Variants in ZFPM2 observed in about 807,000 individuals in gnomAD.
ZFPM2 encodes zinc finger protein ZFPM2.
Under a neutral mutation model 98.6 loss-of-function variants are expected in ZFPM2, and 20 were observed. The ratio of observed to expected loss-of-function variants is 0.20; its 90% CI spans 0.14 to 0.29. The LOEUF is 0.29. Among genes scored for constraint, ZFPM2 ranks in the 10% least tolerant of loss-of-function variants. The pLI is 1.00. For missense variants in ZFPM2, 1,310 were observed against 1,388.6 expected (o/e 0.94, Z 0.90); for synonymous variants, 518 against 502.7 (o/e 1.03, Z -0.41).
At chr8:105,355,520 A>G (rs1453955765) in intron 1 of ZFPM2, among the ~76,000 whole-genome samples, 1 of 152,206 alleles carries the variant, frequency 6.6e-6, no homozygotes, top group East Asian at 1.9e-4. Context: ...TACAGTAATA[A>G]TTCCATTTAC....
intron 1 of ZFPM2, among the ~76,000 whole-genome samples, chr8:105,324,529 G>A (rs1248062673): frequency 6.6e-6 from 1 of 151,706 alleles, no homozygotes. Context: ...GTTACCACTG[G>A]AAAAAGTTTT....
intron 1 of ZFPM2, among the ~76,000 whole-genome samples, chr8:105,330,549 T>TGTAC (rs1554594951): frequency 5.8e-5 from 4 of 69,052 alleles, no homozygotes; most frequent in Non-Finnish European, 1.1e-4. Context: ...TATATATATA[T>TGTAC]ATACATATAT....
chr8:105,688,219 T>C (rs1020120765), intron 5 of ZFPM2, among the ~76,000 whole-genome samples: 4 of 152,080 alleles, frequency 2.6e-5, no homozygotes, highest in Non-Finnish European at 5.9e-5. Context: ...ACTGGGCCAA[T>C]TAAGTATAAG....
At chr8:105,500,561 A>G (rs1050572982) in intron 3 of ZFPM2, among the ~76,000 whole-genome samples, 7 of 152,120 alleles carry the variant, frequency 4.6e-5, no homozygotes, top group Admixed American at 4.6e-4. Context: ...TGAGATTTTT[A>G]TTCCTGAAAA....
At chr8:105,763,752 C>A (rs1357807535) in intron 5 of ZFPM2, among the ~76,000 whole-genome samples, 2 of 151,736 alleles carry the variant, frequency 1.3e-5, no homozygotes, top group Non-Finnish European at 2.9e-5. Context: ...TTTAAAAGGC[C>A]ACTTCTTTGC....
At chr8:105,371,773 TA>T (rs369858956) in intron 1 of ZFPM2, among the ~76,000 whole-genome samples, 6 of 152,114 alleles carry the variant, frequency 3.9e-5, no homozygotes, top group Non-Finnish European at 7.4e-5. Context: ...GTTAATTGCA[TA>T]AAAAATGTTA....
At chr8:105,752,665 A>G (rs930323746) in intron 5 of ZFPM2, among the ~76,000 whole-genome samples, 3 of 152,058 alleles carry the variant, frequency 2.0e-5, no homozygotes, top group Non-Finnish European at 2.9e-5. Context: ...CTTATTTGAA[A>G]TGAACTTAAG....
At position 105,800,409 on chromosome 8, in the gene ZFPM2, T is replaced by TTAGCG. The variant is rs1554582896; in HGVS notation, c.965-635_965-634insCGTAG. The stretch of plus-strand genomic sequence containing the variant: ...TGGATGCCAATGCAAAATGACTATA[T>TTAGCG]TAGTGTACTGGTAGACTATATTAGT... On this transcript the variant is annotated intron_variant, in intron 7 of 7. Transcript: ENST00000407775. Among the ~76,000 whole-genome samples the TTAGCG allele has an allele frequency of 9.9e-5, 15 of 151,936 alleles. 1 individual carries two copies. The highest frequency in any genetic ancestry group is 6.6e-4 in the Admixed American group (10 of 15,258).
chr8:105,674,136 G>A (rs922848500), intron 5 of ZFPM2, among the ~76,000 whole-genome samples: 18 of 152,216 alleles, frequency 1.2e-4, no homozygotes, highest in East Asian at 1.9e-4. Context: ...AGCTCTAATC[G>A]TAAATAATAC....
At chr8:105,686,664 G>A (rs538626743) in intron 5 of ZFPM2, among the ~76,000 whole-genome samples, 1 of 152,064 alleles carries the variant, frequency 6.6e-6, no homozygotes, top group East Asian at 1.9e-4. Context: ...TAGCACAACT[G>A]CTTTTTAGAC....
intron 1 of ZFPM2, among the ~76,000 whole-genome samples, chr8:105,392,049 C>T (rs754725547): frequency 1.9e-4 from 29 of 152,110 alleles, no homozygotes; most frequent in Non-Finnish European, 4.1e-4. Flanking sequence ...CTTGAAAGTC[C>T]AACTTTGCAG....
At chr8:105,634,554 G>A (rs1051158435) in intron 5 of ZFPM2, among the ~76,000 whole-genome samples, 197 bp downstream of exon 5, 1 of 150,322 alleles carries the variant, frequency 6.7e-6, no homozygotes. Flanking sequence ...GAAACAAAAA[G>A]TGACATACCA....
rs758582683 is a variant in ZFPM2 at position 105,803,296 on chromosome 8, G to A, written c.3214G>A (p.Asp1072Asn). The A allele has an allele frequency of 3.1e-6, 5 of 1,594,346 alleles. No individual in the cohort carries two copies. The African/African-American group carries it at 4.0e-5, about 13-fold the overall frequency. The change falls in exon 8 of 8, where the codon GAC becomes AAC. Residue 1072 changes from aspartate to asparagine, a missense_variant. Coordinates refer to ENST00000407775, the MANE Select transcript of ZFPM2 (RefSeq NM_012082.4). ...NISQNPQHED[D>N]HKSPSWISEN... ...TTCCCAGAATCCTCAGCACGAAGAC[G>A]ACCACAAATCTCCCTCGTGGATCTC...
At chr8:105,628,104 C>A (rs1816692283) in intron 4 of ZFPM2, among the ~76,000 whole-genome samples, 1 of 152,138 alleles carries the variant, frequency 6.6e-6, no homozygotes, top group Non-Finnish European at 1.5e-5. Flanking sequence ...CTAGTTACTT[C>A]ATTCAAAAGC....
At chr8:105,763,574 A>ACATG (rs1812785337) in intron 5 of ZFPM2, among the ~76,000 whole-genome samples, 1 of 151,406 alleles carries the variant, frequency 6.6e-6, no homozygotes, top group Admixed American at 6.6e-5. Flanking sequence ...ACCTTGTGCT[A>ACATG]TGTCCTTCAT....
chr8:105,374,901 G>A (rs1257602667), intron 1 of ZFPM2, among the ~76,000 whole-genome samples: 1 of 146,286 alleles, frequency 6.8e-6, no homozygotes, highest in Admixed American at 6.8e-5. Flanking sequence ...TTTTTTTTTT[G>A]GGTTCAGAAC....
At chr8:105,767,998 A>G (rs1812893044) in intron 5 of ZFPM2, among the ~76,000 whole-genome samples, 1 of 151,886 alleles carries the variant, frequency 6.6e-6, no homozygotes, top group Non-Finnish European at 1.5e-5. Context: ...GATTGATCTT[A>G]TAGCAGGCAT....
intron 4 of ZFPM2, among the ~76,000 whole-genome samples, chr8:105,568,227 C>A (rs1815280363): frequency 6.6e-6 from 1 of 152,018 alleles, no homozygotes. Flanking sequence ...GCAAGCTTTC[C>A]CATTTAATTC....
intron 5 of ZFPM2, among the ~76,000 whole-genome samples, chr8:105,648,322 G>T (rs1173454103): frequency 6.6e-6 from 1 of 152,144 alleles, no homozygotes; most frequent in African/African-American, 2.4e-5. Context: ...CTCCCATTCT[G>T]TAGGTTGCCT....
Sources: allele counts gnomAD v4.1 joint callset (sites outside exome capture counted in the v4.1 genomes callset), GRCh38; gene constraint gnomAD v4.1.1; transcripts MANE v1.5; gene names NCBI Gene and HGNC (gene_info 2026-07-23, HGNC 2026-07-21).